The following RTF1 variants were observed in gnomAD, a reference collection of about 807,000 sequenced individuals.
RTF1 encodes the protein RNA polymerase-associated protein RTF1 homolog.
A neutral mutation model predicts 95.7 loss-of-function variants in RTF1; 10 were observed. That is an observed-to-expected ratio of 0.10 (90% CI 0.06 to 0.18). RTF1 has a LOEUF of 0.18. Ranked by LOEUF, RTF1 falls within the 10% of genes least tolerant of loss-of-function variation. The pLI, the probability that RTF1 is intolerant of heterozygous loss-of-function variation, is 1.00. For synonymous variants in RTF1, 305 were observed against 311.8 expected (o/e 0.98, Z 0.23); for missense variants, 458 against 875.6 (o/e 0.52, Z 6.02).
In RTF1 at chr15:41,464,767, C is replaced by A. The variant is rs1244779367; in HGVS notation, c.663-4C>A. ...TACTTAAAAACCAAATATCTTTTAA[C>A]CAGATTTGAAATCAAGAAAAAACTA... On this transcript the variant is annotated splice_region_variant and splice_polypyrimidine_tract_variant and intron_variant, in intron 4 of 17. Coordinates refer to ENST00000389629, the MANE Select transcript of RTF1 (RefSeq NM_015138.5). 3.2e-6 allele frequency: 5 copies of A among 1,552,418 alleles called. No individual in the cohort carries two copies. Among genetic ancestry groups the A allele is most frequent in the Non-Finnish European group, 3.5e-6 (4 of 1,149,486 alleles).
rs369070982 is a variant in RTF1 at position 41,457,346 on chromosome 15, C to A, written c.458-326C>A. On this transcript the variant is annotated intron_variant, in intron 3 of 17. Transcript: ENST00000389629. ...GTCAGGAGTTCGAGACCAGCCTGAA[C>A]AATATGGTGAAACCCCGTCTCCAAT... Among the ~76,000 whole-genome samples, 43 of 152,230 alleles carry A rather than the reference C, an allele frequency of 2.8e-4. No homozygotes were observed. The East Asian group carries it at 4.1e-3, about 14-fold the overall frequency.
chr15:41,428,564 G>A (rs980536169), intron 1 of RTF1, among the ~76,000 whole-genome samples: 3 of 150,654 alleles, frequency 2.0e-5, no homozygotes, highest in African/African-American at 4.9e-5. Context: ...TACCGTGTCC[G>A]GCCCCCTACT....
At chr15:41,461,152 C>T (rs1050216773) in intron 4 of RTF1, among the ~76,000 whole-genome samples, 10 of 151,710 alleles carry the variant, frequency 6.6e-5, no homozygotes, top group African/African-American at 2.4e-4. Flanking sequence ...AAGCAATTCT[C>T]CTGCCTCAGC....
chr15:41,472,991 G>T (rs530272138), intron 8 of RTF1, among the ~76,000 whole-genome samples: 2 of 150,636 alleles, frequency 1.3e-5, no homozygotes, highest in African/African-American at 4.9e-5. Flanking sequence ...GTGAGCCACC[G>T]CACCCGGCCT....
At chr15:41,442,244 T>C (rs1445256517) in intron 2 of RTF1, among the ~76,000 whole-genome samples, 3 of 151,524 alleles carry the variant, frequency 2.0e-5, no homozygotes, top group East Asian at 3.9e-4. Context: ...CTTGGCTCGC[T>C]GTAAGCTCTG....
chr15:41,417,298 C>G lies in RTF1; in HGVS notation c.183C>G (p.Asp61Glu), dbSNP rs1282166235. 4 of 1,247,380 alleles carry G rather than the reference C, an allele frequency of 3.2e-6. No individual in the cohort carries two copies. Among genetic ancestry groups the G allele is most frequent in the Non-Finnish European group, 4.0e-6 (4 of 987,976 alleles). 77.3% of individuals were successfully genotyped at this position (1,247,380 alleles called of 1,614,324 possible). A position where few individuals can be genotyped will look rare whatever the true frequency, so the allele number is the denominator to read the frequency against. The change falls in exon 1 of 18, where the codon GAC becomes GAG. Residue 61 changes from aspartate to glutamate, a missense_variant. Physicochemically the swap from Asp to Glu is conservative, Grantham distance 45. Transcript: ENST00000389629. ...IDSDTEDSGSDENLDQELLSL... is the reference protein window; with the variant it reads ...IDSDTEDSGSEENLDQELLSL... ...CGGACACAGAGGACAGCGGCAGCGA[C>G]GAGAACCTGGATCAGGTGAGGGCAG...
chr15:41,425,653 C>G (rs1209342223), intron 1 of RTF1, among the ~76,000 whole-genome samples: 2 of 152,094 alleles, frequency 1.3e-5, no homozygotes, highest in Non-Finnish European at 2.9e-5. Flanking sequence ...CTGTCCCTGG[C>G]ATCTAGAGCA....
Position 41,474,787 on chromosome 15 carries a change from C to A in RTF1, c.1286+85C>A. On this transcript the variant is annotated intron_variant, in intron 9 of 17. Coordinates refer to ENST00000389629, the MANE Select transcript of RTF1 (RefSeq NM_015138.5). ...GCTGCTGTTCTCTCTGTGTGATGTT[C>A]CTTGTTACCATGAACGCTATGTATG... 3 of 970,176 alleles carry A rather than the reference C, an allele frequency of 3.1e-6. No individual in the cohort carries two copies. The South Asian group carries it at 3.9e-5, about 12-fold the overall frequency. 60.1% of individuals were successfully genotyped at this position (970,176 alleles called of 1,614,324 possible).
Position 41,438,734 on chromosome 15 carries a change from G to A in RTF1, c.309+303G>A, listed in dbSNP as rs909714871. 1.1e-4 allele frequency among the ~76,000 whole-genome samples: 17 copies of A among 151,922 alleles called. No individual in the cohort carries two copies. In the East Asian group the frequency reaches 3.3e-3, roughly 30 times the overall value. ...AAATTAGCCAGGCGTGGTGGTGCAC[G>A]CCTGTAATCCCAGCTACTAAGGAGG... On this transcript the variant is annotated intron_variant, in intron 2 of 17. Transcript: ENST00000389629.
Position 41,481,636 on chromosome 15 carries a change from G to A in RTF1, c.*949G>A, listed in dbSNP as rs1328135577. 2 of 152,516 alleles carry A rather than the reference G, an allele frequency of 1.3e-5. No homozygotes were observed. Among genetic ancestry groups the A allele is most frequent in the Non-Finnish European group, 2.9e-5 (2 of 68,062 alleles). 9.4% of individuals were successfully genotyped at this position (152,516 alleles called of 1,614,324 possible). On this transcript the variant is annotated 3_prime_UTR_variant, in exon 18 of 18. Coordinates refer to ENST00000389629, the MANE Select transcript of RTF1 (RefSeq NM_015138.5). ...ATGTCTTGCTCTTCCCATGGGTACA[G>A]CCCACAGCTTCTTGGCTGAACGTAG...
chr15:41,445,949 G>A (rs538848284), intron 2 of RTF1, among the ~76,000 whole-genome samples: 1 of 152,092 alleles, frequency 6.6e-6, no homozygotes, highest in South Asian at 2.1e-4. Context: ...TGTTGGCCAG[G>A]CTGGTCTCGA....
chr15:41,450,351 G>A (rs1363166015), intron 2 of RTF1, among the ~76,000 whole-genome samples: 1 of 148,244 alleles, frequency 6.7e-6, no homozygotes, highest in African/African-American at 2.5e-5. Flanking sequence ...AGGCAGATCG[G>A]GAGTCCAAGG....
rs573341807 is a variant in RTF1 at position 41,479,264 on chromosome 15, T to A, written c.1914+66T>A. ...CTGGCTGAGATACCGAACAAGTACCTTGTCTAGTTTGGGCTTGATTTTTCC... is the reference window on the plus strand; with the variant it reads ...CTGGCTGAGATACCGAACAAGTACCATGTCTAGTTTGGGCTTGATTTTTCC... On this transcript the variant is annotated intron_variant, in intron 16 of 17. Coordinates refer to ENST00000389629, the MANE Select transcript of RTF1 (RefSeq NM_015138.5). 4.9e-5 allele frequency: 55 copies of A among 1,120,206 alleles called. No individual in the cohort carries two copies. In the African/African-American group the frequency reaches 6.5e-4, roughly 13 times the overall value. 69.4% of individuals were successfully genotyped at this position (1,120,206 alleles called of 1,614,324 possible).
chr15:41,450,006 G>A (rs1472440232), intron 2 of RTF1, among the ~76,000 whole-genome samples: 2 of 151,850 alleles, frequency 1.3e-5, no homozygotes, highest in Non-Finnish European at 2.9e-5. Flanking sequence ...GACTAGCCTT[G>A]GTAACATAGT....
At chr15:41,450,859 G>C (rs2050786468) in intron 2 of RTF1, among the ~76,000 whole-genome samples, 1 of 151,876 alleles carries the variant, frequency 6.6e-6, no homozygotes, top group South Asian at 2.1e-4. Flanking sequence ...GCTGAGGTAG[G>C]AGGATCACTT....
At chr15:41,469,197 C>A (rs539553034) in intron 6 of RTF1, among the ~76,000 whole-genome samples, 1 of 152,162 alleles carries the variant, frequency 6.6e-6, no homozygotes, top group African/African-American at 2.4e-5. Flanking sequence ...GAACTCCTGA[C>A]CTTAAGTGAT....
intron 1 of RTF1, among the ~76,000 whole-genome samples, chr15:41,434,697 T>G (rs2050692988): frequency 6.6e-6 from 1 of 151,186 alleles, no homozygotes; most frequent in African/African-American, 2.4e-5. Flanking sequence ...ATGCGATCTC[T>G]GCTCACTGCA....
Position 41,483,080 on chromosome 15 carries a change from A to C in RTF1, c.*2393A>C, listed in dbSNP as rs971737411. 2.6e-5 allele frequency: 4 copies of C among 152,754 alleles called. No homozygotes were observed. The highest frequency in any genetic ancestry group is 5.9e-5 in the Non-Finnish European group (4 of 68,054). 9.5% of individuals were successfully genotyped at this position (152,754 alleles called of 1,614,324 possible). The stretch of plus-strand genomic sequence containing the variant: ...AGCAGGGAGAAAAGCCAACCAAAGA[A>C]GACCGAAGGGTATCTTTCCACCCGA... On this transcript the variant is annotated 3_prime_UTR_variant, in exon 18 of 18. Transcript: ENST00000389629.
At chr15:41,457,633 G>A in intron 3 of RTF1, 39 bp from the exon 4 acceptor site, 3 of 1,593,836 alleles carry the variant, frequency 1.9e-6, no homozygotes, top group Non-Finnish European at 2.6e-6. Flanking sequence ...CCTGTCTTCT[G>A]TAGCATAGTG....
Sources: gnomAD v4.1 joint callset for allele counts (sites outside exome capture counted in the v4.1 genomes callset) on GRCh38, gnomAD v4.1.1 for gene constraint, MANE v1.5 for transcripts, NCBI Gene and HGNC (gene_info 2026-07-23, HGNC 2026-07-21) for gene names.